Variants in PTPRD observed in about 807,000 individuals in gnomAD.
The protein encoded by PTPRD is protein tyrosine phosphatase receptor type D.
PTPRD carries 34 observed loss-of-function variants against 214.5 expected under a neutral mutation model. The ratio of observed to expected loss-of-function variants is 0.16; its 90% CI spans 0.12 to 0.21. PTPRD has a LOEUF of 0.21. Among genes scored for constraint, PTPRD ranks in the 10% least tolerant of loss-of-function variants. The pLI is 1.00. For synonymous variants in PTPRD, 1,128 were observed against 845.7 expected, an observed-to-expected ratio of 1.33 and a Z score of -5.79; for missense variants, 2,545 against 2,398.7, an observed-to-expected ratio of 1.06 and a Z score of -1.27.
At chr9:9,562,191 T>A (rs180942248) in intron 8 of PTPRD, among the ~76,000 whole-genome samples, 1 of 152,314 alleles carries the variant, frequency 6.6e-6, no homozygotes, top group Non-Finnish European at 1.5e-5. Context: ...AGTTAAGTTC[T>A]TAGCTCTCAA....
intron 2 of PTPRD, among the ~76,000 whole-genome samples, chr9:10,469,303 G>A (rs2099014799): frequency 6.6e-6 from 1 of 152,088 alleles, no homozygotes; most frequent in Non-Finnish European, 1.5e-5. Flanking sequence ...TTAAAAGTCA[G>A]CATTTATAAA....
intron 11 of PTPRD, among the ~76,000 whole-genome samples, chr9:8,746,940 A>G (rs2092887892): frequency 6.6e-6 from 1 of 152,224 alleles, no homozygotes; most frequent in Admixed American, 6.5e-5. Context: ...ATGAGTAGGA[A>G]TAGGTTCAGG....
intron 10 of PTPRD, among the ~76,000 whole-genome samples, chr9:9,134,197 C>T (rs923862964): frequency 2.7e-5 from 4 of 147,926 alleles, no homozygotes; most frequent in Non-Finnish European, 3.0e-5. Context: ...CTCAGCCTCC[C>T]GAGTAGCTGG....
At chr9:9,031,812 A>G (rs1010971757) in intron 10 of PTPRD, among the ~76,000 whole-genome samples, 1 of 152,046 alleles carries the variant, frequency 6.6e-6, no homozygotes, top group Non-Finnish European at 1.5e-5. Context: ...AATGCCTCAT[A>G]GGATAAATGG....
At chr9:9,885,031 G>T (rs2070316317) in intron 5 of PTPRD, among the ~76,000 whole-genome samples, 1 of 152,026 alleles carries the variant, frequency 6.6e-6, no homozygotes, top group Non-Finnish European at 1.5e-5. Flanking sequence ...GAGGAAAGGA[G>T]ACATTTATAG....
chr9:8,840,994 G>A (rs2097547034), intron 11 of PTPRD, among the ~76,000 whole-genome samples: 1 of 152,104 alleles, frequency 6.6e-6, no homozygotes, highest in East Asian at 1.9e-4. Context: ...TTCCTATAAT[G>A]ACAATTTCAA....
At chr9:9,220,789 C>A (rs1401612617) in intron 9 of PTPRD, among the ~76,000 whole-genome samples, 4 of 152,030 alleles carry the variant, frequency 2.6e-5, no homozygotes. Flanking sequence ...AGTTTGTCCC[C>A]ACGGCCATTT....
chr9:9,379,998 CT>C (rs1227172906), intron 9 of PTPRD, among the ~76,000 whole-genome samples: 2 of 151,482 alleles, frequency 1.3e-5, no homozygotes, highest in African/African-American at 4.8e-5. Context: ...TTTCTTTTCC[CT>C]TCTATATATT....
chr9:10,497,765 G>T (rs1253075694), intron 2 of PTPRD, among the ~76,000 whole-genome samples: 1 of 151,804 alleles, frequency 6.6e-6, no homozygotes, highest in Non-Finnish European at 1.5e-5. Context: ...ATATATTTAC[G>T]AATGAAAGAT....
At chr9:10,085,830 G>A (rs2098328108) in intron 3 of PTPRD, among the ~76,000 whole-genome samples, 1 of 151,824 alleles carries the variant, frequency 6.6e-6, no homozygotes, top group Non-Finnish European at 1.5e-5. Flanking sequence ...AGTTTCCTTA[G>A]AGGTCACCTG....
chr9:9,265,623 A>C (rs1939075682), intron 9 of PTPRD, among the ~76,000 whole-genome samples: 1 of 151,514 alleles, frequency 6.6e-6, no homozygotes, highest in Non-Finnish European at 1.5e-5. Flanking sequence ...TTTGAATGCA[A>C]GTAAAGTTGT....
chr9:9,923,822 A>G (rs1472012565), intron 5 of PTPRD, among the ~76,000 whole-genome samples: 1 of 151,942 alleles, frequency 6.6e-6, no homozygotes, highest in Non-Finnish European at 1.5e-5. Context: ...ACTTCTGCAA[A>G]TATGAGGTAT....
chr9:9,211,569 G>C (rs1006178702), intron 9 of PTPRD, among the ~76,000 whole-genome samples: 8 of 146,392 alleles, frequency 5.5e-5, no homozygotes, highest in Non-Finnish European at 1.2e-4. Flanking sequence ...AAGAGCTAAG[G>C]TTTCTTCTCA....
intron 8 of PTPRD, among the ~76,000 whole-genome samples, chr9:9,450,748 TG>T (rs74997318): frequency 0.47 from 68,108 of 144,042 alleles, 15,771 homozygotes; most frequent in East Asian, 0.66. Flanking sequence ...GTACATATTA[TG>T]GGGGGGGGTG....
chr9:8,876,786 A>T (rs1012230108), intron 11 of PTPRD, among the ~76,000 whole-genome samples: 4 of 152,200 alleles, frequency 2.6e-5, no homozygotes, highest in African/African-American at 9.7e-5. Context: ...TAAAAATGCA[A>T]GTAAGTTTGC....
chr9:9,287,349 A>T (rs1452264092), intron 9 of PTPRD, among the ~76,000 whole-genome samples: 1 of 151,808 alleles, frequency 6.6e-6, no homozygotes, highest in African/African-American at 2.4e-5. Context: ...CTTTTTCTCC[A>T]CAATAATTGC....
chr9:9,991,567 G>A (rs959545028), intron 4 of PTPRD, among the ~76,000 whole-genome samples: 38 of 151,822 alleles, frequency 2.5e-4, no homozygotes, highest in African/African-American at 9.2e-4. Context: ...CTCCATGTTG[G>A]TCAGGCTGGT....
chr9:8,379,348 T>A (rs2084241671), intron 37 of PTPRD, among the ~76,000 whole-genome samples: 1 of 152,084 alleles, frequency 6.6e-6, no homozygotes, highest in Admixed American at 6.6e-5. Flanking sequence ...CCTCAGTACT[T>A]CCTTTCTCGA....
intron 11 of PTPRD, among the ~76,000 whole-genome samples, chr9:8,846,133 C>G (rs2097690798): frequency 6.6e-6 from 1 of 152,122 alleles, no homozygotes; most frequent in South Asian, 2.1e-4. Context: ...TGGCTTTGTC[C>G]TGGTTTGGTA....
Sources: gnomAD v4.1 joint callset for allele counts (sites outside exome capture counted in the v4.1 genomes callset) on GRCh38, gnomAD v4.1.1 for gene constraint, MANE v1.5 for transcripts, NCBI Gene and HGNC (gene_info 2026-07-23, HGNC 2026-07-21) for gene names.